SLIT3: variants seen among roughly 807,000 people sequenced by gnomAD.
The protein encoded by SLIT3 is slit guidance ligand 3, also known as slit homolog 3 protein.
SLIT3 carries 68 observed loss-of-function variants against 184.0 expected under a neutral mutation model. The observed-to-expected ratio is 0.37, with a 90% confidence interval of 0.30 to 0.45. SLIT3 has a LOEUF of 0.45. SLIT3 is among the 20% of genes least tolerant of loss of function. SLIT3 has a pLI of 1.00. For missense variants in SLIT3, 1,707 were observed against 2,026.0 expected, an observed-to-expected ratio of 0.84 and a Z score of 3.02; for synonymous variants, 831 against 828.6, an observed-to-expected ratio of 1.00 and a Z score of -0.05.
Position 168,673,260 on chromosome 5 carries a change from A to G in SLIT3, c.3758T>C (p.Val1253Ala), listed in dbSNP as rs1382514475. ...LVTLNQTLNL[V>A]VDKGTPKSLG... ...GCTCTTTGGAGTTCCTTTGTCCACTACTAGGTTCAGGGTCTGGTTTAGCGT... is the reference window on the plus strand; with the variant it reads ...GCTCTTTGGAGTTCCTTTGTCCACTGCTAGGTTCAGGGTCTGGTTTAGCGT... The change falls in exon 33 of 36, where the codon GTA becomes GCA. Residue 1253 changes from valine to alanine, a missense_variant. Transcript: ENST00000519560. The G allele has an allele frequency of 1.2e-6, 2 of 1,614,008 alleles. No homozygotes were observed. The highest frequency in any genetic ancestry group is 2.2e-5 in the South Asian group (2 of 91,078).
chr5:169,074,487 A>C, intron 4 of SLIT3, among the ~76,000 whole-genome samples: 1 of 152,124 alleles, frequency 6.6e-6, no homozygotes, highest in East Asian at 1.9e-4. Context: ...CTGTCCCAAA[A>C]GTTTTTCAAT....
chr5:169,221,528 G>T (rs956867650), intron 3 of SLIT3, among the ~76,000 whole-genome samples: 1 of 152,188 alleles, frequency 6.6e-6, no homozygotes, highest in African/African-American at 2.4e-5. Context: ...TCTACTCAGT[G>T]CACTCAACAG....
chr5:168,999,920 T>A (rs1264182868), intron 4 of SLIT3, among the ~76,000 whole-genome samples: 1 of 152,192 alleles, frequency 6.6e-6, no homozygotes, highest in East Asian at 1.9e-4. Flanking sequence ...GGCTCATGGC[T>A]TGGAGTAGGG....
intron 3 of SLIT3, among the ~76,000 whole-genome samples, chr5:169,238,852 C>T (rs1765294962): frequency 1.3e-5 from 2 of 152,096 alleles, no homozygotes; most frequent in African/African-American, 4.8e-5. Context: ...TTTGTACTTA[C>T]CATGAATTGG....
At chr5:168,929,276 A>G (rs929774278) in intron 4 of SLIT3, among the ~76,000 whole-genome samples, 6 of 152,158 alleles carry the variant, frequency 3.9e-5, no homozygotes, top group African/African-American at 1.4e-4. Context: ...AATATTAAGA[A>G]CAGTTATTAT....
intron 4 of SLIT3, among the ~76,000 whole-genome samples, chr5:169,070,166 G>A (rs919177829): frequency 6.6e-6 from 1 of 152,162 alleles, no homozygotes; most frequent in Non-Finnish European, 1.5e-5. Context: ...ACAGAGAAAG[G>A]GGGACTCAGG....
chr5:169,104,012 C>A (rs1356785684), intron 4 of SLIT3, among the ~76,000 whole-genome samples: 4 of 152,222 alleles, frequency 2.6e-5, no homozygotes, highest in African/African-American at 9.6e-5. Flanking sequence ...TGTCAGGGAT[C>A]CTGTTACTCC....
chr5:169,133,839 T>G (rs947402966), intron 4 of SLIT3, among the ~76,000 whole-genome samples: 1 of 152,200 alleles, frequency 6.6e-6, no homozygotes, highest in African/African-American at 2.4e-5. Flanking sequence ...TCACATACTT[T>G]CCCATAATTA....
chr5:169,034,692 TA>T (rs1467185955), intron 4 of SLIT3, among the ~76,000 whole-genome samples: 1 of 151,796 alleles, frequency 6.6e-6, no homozygotes, highest in African/African-American at 2.4e-5. Context: ...ATCAAATAAA[TA>T]AAAATCTCAG....
At chr5:169,288,773 C>G (rs1767243869) in intron 1 of SLIT3, among the ~76,000 whole-genome samples, 1 of 152,158 alleles carries the variant, frequency 6.6e-6, no homozygotes, top group Admixed American at 6.5e-5. Context: ...CCTGGTTAAG[C>G]TGCTGACATG....
At chr5:168,885,942 C>T (rs1206610291) in intron 4 of SLIT3, among the ~76,000 whole-genome samples, 1 of 152,188 alleles carries the variant, frequency 6.6e-6, no homozygotes, top group Non-Finnish European at 1.5e-5. Context: ...AGACCTCCCA[C>T]ACAGGCAAAA....
Position 169,280,064 on chromosome 5 carries a change from G to A in SLIT3, c.197+20449C>T, listed in dbSNP as rs561769154. On this transcript the variant is annotated intron_variant, in intron 1 of 35. Transcript: ENST00000519560. The stretch of plus-strand genomic sequence containing the variant: ...CCAGGATTATACATCTAGCAAGGAT[G>A]CATCAGGAATTCAAACTCAGGTCTT... 1.8e-4 allele frequency among the ~76,000 whole-genome samples: 28 copies of A among 152,380 alleles called. 1 individual carries two copies. The South Asian group carries it at 5.8e-3, about 32-fold the overall frequency.
intron 4 of SLIT3, among the ~76,000 whole-genome samples, chr5:169,070,484 C>T (rs1344568440): frequency 6.6e-6 from 1 of 152,188 alleles, no homozygotes; most frequent in African/African-American, 2.4e-5. Flanking sequence ...AGCTAAAACT[C>T]TCACCAGGGA....
rs11287374 is a variant in SLIT3, at chr5:169,167,268, C to CTTT, written c.413+26208_413+26210dup. ...TTGGTTCCAGGCCCTGTTCTAAGCA[C>CTTT]TTTTTTTTTTTTTTTTTTTTTTTTG... On this transcript the variant is annotated intron_variant, in intron 4 of 35. Coordinates refer to ENST00000519560, the MANE Select transcript of SLIT3 (RefSeq NM_003062.4). Among the ~76,000 whole-genome samples the CTTT allele has an allele frequency of 4.7e-3, 427 of 90,646 alleles. 7 individuals carry two copies. The highest frequency in any genetic ancestry group is 9.4e-3 in the East Asian group (23 of 2,444). 59.5% of individuals were successfully genotyped at this position (90,646 alleles called of 152,430 possible).
intron 1 of SLIT3, among the ~76,000 whole-genome samples, chr5:169,256,966 A>G (rs1765980900): frequency 1.3e-5 from 2 of 150,284 alleles, no homozygotes; most frequent in Admixed American, 6.6e-5. Context: ...TTCATTGAGC[A>G]TTGTGGCAGA....
At chr5:168,674,003 G>C (rs1761333002) in intron 32 of SLIT3, among the ~76,000 whole-genome samples, 1 of 152,162 alleles carries the variant, frequency 6.6e-6, no homozygotes, top group Non-Finnish European at 1.5e-5. Flanking sequence ...CAAGGATAAA[G>C]GTTAGCATTG....
intron 4 of SLIT3, among the ~76,000 whole-genome samples, chr5:168,916,457 AGG>A: frequency 6.6e-6 from 1 of 152,352 alleles, no homozygotes; most frequent in African/African-American, 2.4e-5. Flanking sequence ...GCAGAGACAA[AGG>A]GGCGGGGCCC....
At chr5:168,803,796 T>G (rs17665744) in intron 9 of SLIT3, among the ~76,000 whole-genome samples, 19,752 of 151,956 alleles carry the variant, frequency 0.13, 1,661 homozygotes, top group East Asian at 0.29. Flanking sequence ...AAAGGAACGA[T>G]CCATAGGAAT....
chr5:168,851,192 G>T (rs943085082), intron 5 of SLIT3, among the ~76,000 whole-genome samples: 5 of 151,938 alleles, frequency 3.3e-5, no homozygotes, highest in Admixed American at 6.5e-5. Context: ...GCGTGGTGGC[G>T]GGCGCCTGTA....
Sources: allele counts gnomAD v4.1 joint callset (sites outside exome capture counted in the v4.1 genomes callset), GRCh38; gene constraint gnomAD v4.1.1; transcripts MANE v1.5; gene names NCBI Gene and HGNC (gene_info 2026-07-23, HGNC 2026-07-21).